AFF2: variants seen among roughly 807,000 people sequenced by gnomAD.
AFF2 encodes the protein ALF transcription elongation factor 2.
A neutral mutation model predicts 76.9 loss-of-function variants in AFF2; 14 were observed. The observed-to-expected ratio is 0.18, with a 90% confidence interval of 0.12 to 0.28. The LOEUF (loss-of-function observed/expected upper bound fraction) is 0.28. AFF2 is among the 10% of genes least tolerant of loss of function. The pLI is 1.00. For synonymous variants in AFF2, 398 were observed against 366.7 expected, an observed-to-expected ratio of 1.09 and a Z score of -0.98; for missense variants, 868 against 1,001.1, an observed-to-expected ratio of 0.87 and a Z score of 1.79.
chrX:148,571,844 C>T (rs1557242564), intron 1 of AFF2, among the ~76,000 whole-genome samples: 1 of 111,124 alleles, frequency 9.0e-6, no homozygotes, highest in African/African-American at 3.3e-5. Context: ...GGACTAATAT[C>T]TCTAGATCCA....
At chrX:148,680,590 A>C (rs1557259854) in intron 3 of AFF2, among the ~76,000 whole-genome samples, 1 of 112,233 alleles carries the variant, frequency 8.9e-6, no homozygotes, top group African/African-American at 3.2e-5. Flanking sequence ...TATCATATGC[A>C]GAGTATGGTG....
intron 9 of AFF2, among the ~76,000 whole-genome samples, chrX:148,938,427 C>G (rs1196274521): frequency 1.8e-5 from 2 of 112,143 alleles, no homozygotes; most frequent in East Asian, 5.6e-4. Context: ...ATATTACATT[C>G]TCCATATCTT....
chrX:148,501,735 G>A, intron 1 of AFF2, among the ~76,000 whole-genome samples: 1 of 113,454 alleles, frequency 8.8e-6, no homozygotes, highest in Non-Finnish European at 1.9e-5. Flanking sequence ...CACCACTCAG[G>A]GGACCTTGGT....
chrX:148,646,320 G>A (rs898575773), intron 1 of AFF2, among the ~76,000 whole-genome samples: 21 of 111,740 alleles, frequency 1.9e-4, no homozygotes, highest in African/African-American at 6.9e-4. Context: ...CAATCAAGCT[G>A]TTATTAATGA....
At chrX:148,913,575 A>G (rs2071494456) in intron 9 of AFF2, among the ~76,000 whole-genome samples, 1 of 112,397 alleles carries the variant, frequency 8.9e-6, no homozygotes, top group Non-Finnish European at 1.9e-5. Context: ...CCATAGGGAT[A>G]AAATAGAAAC....
At chrX:148,560,693 ATC>A (rs2124306318) in intron 1 of AFF2, among the ~76,000 whole-genome samples, 1 of 112,510 alleles carries the variant, frequency 8.9e-6, no homozygotes, top group African/African-American at 3.2e-5. Context: ...GTATGGAAAT[ATC>A]TGATTTTTAA....
At chrX:148,517,221 T>C (rs2052545494) in intron 1 of AFF2, among the ~76,000 whole-genome samples, 1 of 111,901 alleles carries the variant, frequency 8.9e-6, no homozygotes, top group Non-Finnish European at 1.9e-5. Context: ...CTGAAAATCC[T>C]TCTGGTGGCA....
In AFF2 at chrX:148,967,079, C is replaced by T. The variant is rs188208167; in HGVS notation, c.3203C>T (p.Ser1068Leu). The stretch of plus-strand genomic sequence containing the variant: ...AGACCCAAGCTCACTTTTGATGACT[C>T]GTATGTTGTTCCAGATTATCATGGA... ...VRRPKLTFDDSVHNADYYMQE... is the reference protein window; with the variant it reads ...VRRPKLTFDDLVHNADYYMQE... The change falls in exon 14 of 21, where the codon TCG (serine) becomes TTG (leucine). Residue 1068 changes from serine (S) to leucine (L), a missense_variant and splice_region_variant. By Grantham distance (145) the Ser-to-Leu change is moderately radical. Coordinates refer to ENST00000370460, the MANE Select transcript of AFF2 (RefSeq NM_002025.4). 52 of 1,206,476 alleles carry T rather than the reference C, an allele frequency of 4.3e-5. No homozygotes were observed. The highest frequency in any genetic ancestry group is 3.4e-6 in the Non-Finnish European group (3 of 894,083).
At chrX:148,964,274 G>A (rs1011372447) in intron 13 of AFF2, among the ~76,000 whole-genome samples, 1 of 111,963 alleles carries the variant, frequency 8.9e-6, no homozygotes, top group Non-Finnish European at 1.9e-5. Flanking sequence ...GCTGGTGATT[G>A]GTGTCTTAGG....
At chrX:148,966,145 T>C (rs1205925971) in intron 13 of AFF2, among the ~76,000 whole-genome samples, 5 of 111,967 alleles carry the variant, frequency 4.5e-5, no homozygotes, top group African/African-American at 1.6e-4. Context: ...CATCCTAAGA[T>C]TGCAAAACAA....
intron 4 of AFF2, among the ~76,000 whole-genome samples, chrX:148,829,891 G>T (rs1197317877): frequency 8.9e-5 from 10 of 111,929 alleles, no homozygotes; most frequent in Middle Eastern, 4.6e-3. Flanking sequence ...TACCCATACA[G>T]CCAGTCCTAA....
intron 1 of AFF2, among the ~76,000 whole-genome samples, chrX:148,581,279 CGTATATACGT>C (rs1193605277): frequency 0.025 from 4 of 157 alleles, no homozygotes; most frequent in African/African-American, 0.05. Flanking sequence ...CACATATACA[CGTATATACGT>C]ATACGTGTAC....
At chrX:148,690,274 C>T (rs2054637875) in intron 3 of AFF2, among the ~76,000 whole-genome samples, 1 of 112,280 alleles carries the variant, frequency 8.9e-6, no homozygotes, top group African/African-American at 3.2e-5. Flanking sequence ...AATGTGTAAT[C>T]ATTTTATGCC....
chrX:148,922,457 A>G (rs2071606461), intron 9 of AFF2, among the ~76,000 whole-genome samples: 1 of 112,338 alleles, frequency 8.9e-6, no homozygotes, highest in African/African-American at 3.2e-5. Flanking sequence ...AATGGCTCAA[A>G]AACATGAAGC....
At chrX:148,981,294 A>T (rs2072389102) in intron 19 of AFF2, among the ~76,000 whole-genome samples, 1 of 111,430 alleles carries the variant, frequency 9.0e-6, no homozygotes, top group South Asian at 3.8e-4. Context: ...TATAATGCTG[A>T]TTGGAGGCTC....
chrX:148,786,749 A>G (rs1468476335), intron 3 of AFF2, among the ~76,000 whole-genome samples: 24 of 111,761 alleles, frequency 2.1e-4, no homozygotes, highest in Non-Finnish European at 1.1e-4. Flanking sequence ...GGGGAACTCA[A>G]CTGAACCCAA....
At chrX:148,896,530 CCTT>C (rs2071286311) in intron 8 of AFF2, among the ~76,000 whole-genome samples, 1 of 111,839 alleles carries the variant, frequency 8.9e-6, no homozygotes, top group African/African-American at 3.2e-5. Context: ...GCAAGATTCT[CCTT>C]CTCAGTCTAT....
chrX:148,598,564 ATTCCTTCCAACCACCAGAC>A (rs1419274608), intron 1 of AFF2, among the ~76,000 whole-genome samples: 4 of 112,074 alleles, frequency 3.6e-5, no homozygotes, highest in Non-Finnish European at 5.6e-5. Flanking sequence ...GGAAACCAGA[ATTCCTTCCAACCACCAGAC>A]TTAGTTACTT....
chrX:148,911,075 TTATA>T (rs35222291), intron 9 of AFF2, among the ~76,000 whole-genome samples: 40 of 104,315 alleles, frequency 3.8e-4, no homozygotes, highest in Non-Finnish European at 7.1e-4. Context: ...TGCACATAAA[TTATA>T]TATATATATA....
Sources: gnomAD v4.1 joint callset for allele counts (sites outside exome capture counted in the v4.1 genomes callset) on GRCh38, gnomAD v4.1.1 for gene constraint, MANE v1.5 for transcripts, NCBI Gene and HGNC (gene_info 2026-07-23, HGNC 2026-07-21) for gene names.